CRADD: variants seen among roughly 807,000 people sequenced by gnomAD.
CRADD encodes CARD and death domain containing adaptor protein, also known as death domain-containing protein CRADD.
In CRADD, 9 loss-of-function variants were observed where a neutral mutation model predicts 15.5. That is an observed-to-expected ratio of 0.58 (90% CI 0.35 to 1.01). The LOEUF (loss-of-function observed/expected upper bound fraction) is 1.01, where lower values mean the gene tolerates loss of function less well. Among genes scored for constraint, CRADD ranks in the 50% least tolerant of loss-of-function variants. CRADD has a pLI of 0.02. For missense variants in CRADD, 227 were observed against 250.3 expected (o/e 0.91, Z 0.63); for synonymous variants, 118 against 107.6 (o/e 1.10, Z -0.60).
In CRADD at chr12:93,849,953, G is replaced by A. The variant is rs1402105267; in HGVS notation, c.299-17G>A. 6.7e-7 allele frequency: 1 copy of A among 1,497,218 alleles called. No homozygotes were observed. The highest frequency in any genetic ancestry group is 1.7e-5 in the Admixed American group (1 of 59,572). The allele number at this position is 1,497,218 out of a possible 1,614,324, so 92.7% of individuals were successfully genotyped here. On this transcript the variant is annotated splice_polypyrimidine_tract_variant and intron_variant, in intron 2 of 2. Transcript: ENST00000332896. The stretch of plus-strand genomic sequence containing the variant: ...GTTGCCTTGCTCATTTCACCGGGGT[G>A]TCTTTTTCCTCCTCAGGTGACAGAT...
intron 2 of CRADD, among the ~76,000 whole-genome samples, chr12:93,781,341 T>C (rs1957208138): frequency 6.6e-6 from 1 of 152,172 alleles, no homozygotes; most frequent in Non-Finnish European, 1.5e-5. Flanking sequence ...TGAAAATGGA[T>C]TTAAAAAGGA....
At chr12:93,770,823 T>C (rs1013220269) in intron 2 of CRADD, among the ~76,000 whole-genome samples, 1 of 152,236 alleles carries the variant, frequency 6.6e-6, no homozygotes, top group African/African-American at 2.4e-5. Context: ...GCTTGTCAAT[T>C]TCCACAAATA....
chr12:93,788,243 C>A (rs1425817517), intron 2 of CRADD, among the ~76,000 whole-genome samples: 1 of 152,154 alleles, frequency 6.6e-6, no homozygotes, highest in African/African-American at 2.4e-5. Flanking sequence ...CACAAGGTGG[C>A]AGGAGAGAGA....
At chr12:93,870,786 G>A (rs1302990489) in intron 2 of CRADD, among the ~76,000 whole-genome samples, 12 of 152,216 alleles carry the variant, frequency 7.9e-5, no homozygotes, top group African/African-American at 2.9e-4. Context: ...CTTTTGAGTG[G>A]CATGGGGGTT....
chr12:93,835,980 T>C (rs11107207), intron 2 of CRADD, among the ~76,000 whole-genome samples: 27,976 of 152,140 alleles, frequency 0.18, 3,231 homozygotes, highest in Non-Finnish European at 0.26. Context: ...TATAGGCACA[T>C]GTAAGCAAAA....
At chr12:93,832,336 T>A (rs1403732532) in intron 2 of CRADD, among the ~76,000 whole-genome samples, 2 of 152,220 alleles carry the variant, frequency 1.3e-5, no homozygotes, top group Non-Finnish European at 2.9e-5. Context: ...ACTTTTTTCA[T>A]TTCTTTGGTC....
intron 2 of CRADD, among the ~76,000 whole-genome samples, chr12:93,832,650 G>C (rs1344254348): frequency 6.6e-6 from 1 of 152,074 alleles, no homozygotes; most frequent in African/African-American, 2.4e-5. Context: ...TTATATATTT[G>C]ATATTGAAGA....
exon 3 of CRADD, chr12:93,894,448 C>T (rs934585002): frequency 1.9e-5 from 5 of 257,278 alleles, no homozygotes; most frequent in African/African-American, 4.3e-5. Flanking sequence ...ATTGCAACCT[C>T]TGGGAGTTGC....
intron 2 of CRADD, among the ~76,000 whole-genome samples, chr12:93,790,391 G>T (rs562931495): frequency 6.6e-6 from 1 of 152,002 alleles, no homozygotes; most frequent in South Asian, 2.1e-4. Context: ...TAGCACACCA[G>T]CATGGCACAT....
At chr12:93,783,630 T>G (rs952519898) in intron 2 of CRADD, among the ~76,000 whole-genome samples, 1 of 152,202 alleles carries the variant, frequency 6.6e-6, no homozygotes. Context: ...TAAAAGCCTA[T>G]AAATTGTAAC....
intron 2 of CRADD, among the ~76,000 whole-genome samples, chr12:93,835,423 A>G (rs780897791): frequency 3.3e-5 from 5 of 152,224 alleles, no homozygotes; most frequent in Admixed American, 6.5e-5. Context: ...TGTTTCAGTT[A>G]ATTGTTTCAT....
Position 93,678,778 on chromosome 12 carries a change from G to C in CRADD, c.4G>C (p.Glu2Gln). Residue 2 changes from glutamate (E) to glutamine (Q), a missense_variant, in exon 2 of 3, where the codon GAG becomes CAG. By Grantham distance (29) the Glu-to-Gln change is conservative. Coordinates refer to ENST00000332896, the MANE Select transcript of CRADD (RefSeq NM_003805.5). ...TTTTGGCTCTTTCCAGGGAGAAATG[G>C]AGGCCAGAGACAAACAAGTACTCCG... M[E>Q]ARDKQVLRSL... 1 of 1,609,392 alleles carries C rather than the reference G, an allele frequency of 6.2e-7. No individual in the cohort carries two copies. The highest frequency in any genetic ancestry group is 8.5e-7 in the Non-Finnish European group (1 of 1,177,066).
chr12:93,891,402 A>G (rs1958575238), intron 2 of CRADD, among the ~76,000 whole-genome samples: 2 of 152,136 alleles, frequency 1.3e-5, no homozygotes, highest in African/African-American at 4.8e-5. Context: ...CACAAGAATC[A>G]CTTGAACCCT....
chr12:93,702,042 C>T (rs1415465052), intron 2 of CRADD, among the ~76,000 whole-genome samples: 3 of 152,022 alleles, frequency 2.0e-5, no homozygotes, highest in South Asian at 2.1e-4. Context: ...ACTTATCTAA[C>T]GCTTCCCTAG....
chr12:93,829,053 G>GT (rs143356406), intron 2 of CRADD, among the ~76,000 whole-genome samples: 2 of 151,174 alleles, frequency 1.3e-5, no homozygotes, highest in East Asian at 3.9e-4. Context: ...GAAAAATAGT[G>GT]TTATTTGATG....
intron 2 of CRADD, among the ~76,000 whole-genome samples, chr12:93,701,181 A>G (rs1301716897): frequency 6.6e-6 from 1 of 152,158 alleles, no homozygotes; most frequent in Non-Finnish European, 1.5e-5. Context: ...AGATTTGGCA[A>G]CATTTAACAG....
At chr12:93,785,736 GCCATTAAATCA>G (rs1957271427) in intron 2 of CRADD, among the ~76,000 whole-genome samples, 1 of 152,182 alleles carries the variant, frequency 6.6e-6, no homozygotes, top group Non-Finnish European at 1.5e-5. Context: ...TACTTCACAG[GCCATTAAATCA>G]TATATATGTT....
chr12:93,696,792 A>C (rs1241984687), intron 2 of CRADD, among the ~76,000 whole-genome samples: 1 of 152,230 alleles, frequency 6.6e-6, no homozygotes, highest in Non-Finnish European at 1.5e-5. Context: ...ATAAAAAAGA[A>C]TACAAGTGAA....
chr12:93,807,691 A>G (rs995525460), intron 2 of CRADD, among the ~76,000 whole-genome samples: 42 of 152,234 alleles, frequency 2.8e-4, no homozygotes, highest in South Asian at 2.1e-3. Flanking sequence ...CCTGAGTGAT[A>G]TGACTGGAAT....
Sources: gnomAD v4.1 joint callset for allele counts (sites outside exome capture counted in the v4.1 genomes callset) on GRCh38, gnomAD v4.1.1 for gene constraint, MANE v1.5 for transcripts, NCBI Gene and HGNC (gene_info 2026-07-23, HGNC 2026-07-21) for gene names.